The following GAPDHS variants were observed in gnomAD, a reference collection of about 807,000 sequenced individuals.
GAPDHS encodes glyceraldehyde-3-phosphate dehydrogenase, testis-specific.
In GAPDHS, 42 loss-of-function variants were observed where a neutral mutation model predicts 48.7. The observed-to-expected ratio is 0.86, with a 90% CI of 0.67 to 1.12. The LOEUF (loss-of-function observed/expected upper bound fraction) is 1.12. GAPDHS is among the 50% of genes most tolerant of loss of function. The pLI, the probability that GAPDHS is intolerant of heterozygous loss-of-function variation, is 0.00. For missense variants in GAPDHS, 512 were observed against 557.7 expected (o/e 0.92, Z 0.82); for synonymous variants, 166 against 219.1 (o/e 0.76, Z 2.14).
Position 35,542,356 on chromosome 19 carries a change from A to C in GAPDHS, c.487A>C (p.Ser163Arg). 1 of 1,613,174 alleles carries C rather than the reference A, an allele frequency of 6.2e-7. No individual in the cohort carries two copies. Among genetic ancestry groups the C allele is most frequent in the South Asian group, 1.1e-5 (1 of 91,038 alleles). The change falls in exon 5 of 11, where the codon AGC becomes CGC. Residue 163 changes from serine (S) to arginine (R), a missense_variant. Physicochemically the swap from Ser to Arg is moderately radical, Grantham distance 110. Coordinates refer to ENST00000222286, the MANE Select transcript of GAPDHS (RefSeq NM_014364.5). ...ACAGATCCCCTGGAGGGCTGTCGGG[A>C]GCCCCTACGTGGTGGAGTCCACAGG... The part of the protein sequence containing the change: ...PKQIPWRAVG[S>R]PYVVESTGVY...
rs972856437 is a variant in GAPDHS at position 35,533,570 on chromosome 19, C to T, written c.43C>T (p.Gln15Ter). ...CGTCCTCACCAATGTCACCGTTGTCCAGTTGCTGCGACAGCCGTGCCCGGG... is the reference window on the plus strand; with the variant it reads ...CGTCCTCACCAATGTCACCGTTGTCTAGTTGCTGCGACAGCCGTGCCCGGG... ...DIVLTNVTVV[Q>*]LLRQPCPVTR... The change falls in exon 1 of 11, where the codon CAG becomes TAG. Residue 15 changes from glutamine to a stop codon, truncating the protein, a stop_gained. Transcript: ENST00000222286. LOFTEE classifies it high-confidence loss of function. 5 of 1,612,922 alleles carry T rather than the reference C, an allele frequency of 3.1e-6. No individual in the cohort carries two copies. Among genetic ancestry groups the T allele is most frequent in the Non-Finnish European group, 3.4e-6 (4 of 1,179,740 alleles).
intron 2 of GAPDHS, among the ~76,000 whole-genome samples, chr19:35,537,885 G>A (rs919600142): frequency 1.3e-5 from 2 of 152,174 alleles, no homozygotes; most frequent in African/African-American, 4.8e-5. Context: ...AGACCAGCCT[G>A]GCCAACATGG....
intron 1 of GAPDHS, among the ~76,000 whole-genome samples, chr19:35,535,760 C>A (rs2071461807): frequency 2.0e-5 from 3 of 149,022 alleles, no homozygotes; most frequent in Non-Finnish European, 4.4e-5. Context: ...TAGGAAGAGC[C>A]CTCCTCAGGT....
intron 1 of GAPDHS, among the ~76,000 whole-genome samples, chr19:35,535,198 C>G (rs1287354395): frequency 6.6e-6 from 1 of 152,206 alleles, no homozygotes; most frequent in Non-Finnish European, 1.5e-5. Context: ...CCCCTCTTCT[C>G]AAGCCCTCCT....
In GAPDHS at chr19:35,536,914, C is replaced by T; in HGVS notation, c.169C>T (p.Pro57Ser). Residue 57 changes from proline (P) to serine (S), a missense_variant, in exon 2 of 11, where the codon CCA becomes TCA. Pro to Ser is a moderately conservative substitution (Grantham distance 74). Coordinates refer to ENST00000222286, the MANE Select transcript of GAPDHS (RefSeq NM_014364.5). ...VREEIKPPPPPLPPHPATPPP... is the reference protein window; with the variant it reads ...VREEIKPPPPSLPPHPATPPP... ...GGAGGAAATAAAGCCACCACCGCCA[C>T]CACTGCCTCCTCACCCCGCTACTCC... 6.2e-7 allele frequency: 1 copy of T among 1,614,158 alleles called. No homozygotes were observed.
chr19:35,545,079 C>A lies in GAPDHS; in HGVS notation c.1155-19C>A. 6.2e-7 allele frequency: 1 copy of A among 1,612,670 alleles called. No individual in the cohort carries two copies. The highest frequency in any genetic ancestry group is 1.3e-5 in the African/African-American group (1 of 75,010). ...GGTCGGAAGGAACCCCCTTGAACCTCCCGACCCCTCCTCCACAGGTACGAC... is the reference window on the plus strand; with the variant it reads ...GGTCGGAAGGAACCCCCTTGAACCTACCGACCCCTCCTCCACAGGTACGAC... On this transcript the variant is annotated intron_variant, in intron 10 of 10. Coordinates refer to ENST00000222286, the MANE Select transcript of GAPDHS (RefSeq NM_014364.5).
chr19:35,542,924 T>C, intron 6 of GAPDHS, 21 bp from the exon 7 acceptor site: 4 of 1,601,922 alleles, frequency 2.5e-6, no homozygotes, highest in South Asian at 1.1e-5. Flanking sequence ...ACAGTGTCCG[T>C]GCACACCTTG....
chr19:35,537,070 A>C (rs1235990648), intron 2 of GAPDHS, 80 bp downstream of exon 2: 4 of 1,196,416 alleles, frequency 3.3e-6, no homozygotes, highest in African/African-American at 1.5e-5. Context: ...GGGCACCTCC[A>C]CATTTCCCCC....
In GAPDHS at chr19:35,538,680, A is replaced by G; in HGVS notation, c.446A>G (p.Gln149Arg). ...VVDNHEISVYQCKEPKQIPWR... is the reference protein window; with the variant it reads ...VVDNHEISVYRCKEPKQIPWR... ...GACAACCATGAGATCTCTGTCTACC[A>G]GTGGTAAGGAAAGCATCTGTCTGAT... is the stretch of plus-strand genomic sequence containing the variant. Residue 149 changes from glutamine (Q) to arginine (R), a missense_variant, in exon 4 of 11, where the codon CAG (glutamine) becomes CGG (arginine). Transcript: ENST00000222286. 4.5e-6 allele frequency: 7 copies of G among 1,552,524 alleles called. No individual in the cohort carries two copies. Among genetic ancestry groups the G allele is most frequent in the Non-Finnish European group, 6.2e-6 (7 of 1,123,684 alleles).
chr19:35,542,468 G>A, intron 5 of GAPDHS, 22 bp from the exon 6 acceptor site: 2 of 1,605,194 alleles, frequency 1.2e-6, no homozygotes, highest in Non-Finnish European at 1.7e-6. Flanking sequence ...AGAAGCCCCT[G>A]ACACCTGCGC....
At position 35,542,477 on chromosome 19, in the gene GAPDHS, G is replaced by A. The variant is rs201344410; in HGVS notation, c.541-13G>A. 1.9e-5 allele frequency: 31 copies of A among 1,608,466 alleles called. No individual in the cohort carries two copies. Among genetic ancestry groups the A allele is most frequent in the Admixed American group, 1.0e-4 (6 of 59,986 alleles). On this transcript the variant is annotated splice_polypyrimidine_tract_variant and intron_variant, in intron 5 of 10. Transcript: ENST00000222286. ...GGTGCCAGAAGCCCCTGACACCTGC[G>A]CTTCCTCCCCAGGACCACATCTCTG... is the stretch of plus-strand genomic sequence containing the variant.
intron 2 of GAPDHS, 47 bp downstream of exon 2, chr19:35,537,037 C>G: frequency 6.8e-7 from 1 of 1,461,658 alleles, no homozygotes; most frequent in Non-Finnish European, 9.3e-7. Context: ...TAGAGCCCAG[C>G]CCCTCCTCTG....
At position 35,542,799 on chromosome 19, in the gene GAPDHS, T is replaced by C. The variant is rs2071513785; in HGVS notation, c.660-146T>C. 7 of 742,300 alleles carry C rather than the reference T, an allele frequency of 9.4e-6. No homozygotes were observed. In the East Asian group the frequency reaches 1.3e-4, roughly 13 times the overall value. 46.0% of individuals were successfully genotyped at this position (742,300 alleles called of 1,614,324 possible). ...AGCTGCACCTCAGTGCCTCCTTCAG[T>C]CTGACAGTGTCCCCACAGATCCCTC... On this transcript the variant is annotated intron_variant, in intron 6 of 10. Transcript: ENST00000222286.
intron 7 of GAPDHS, 104 bp downstream of exon 7, chr19:35,543,130 G>A (rs932189067): frequency 1.8e-5 from 19 of 1,040,676 alleles, no homozygotes; most frequent in South Asian, 8.0e-5. Flanking sequence ...GACTGGTTTC[G>A]GGAGGAGAGG....
intron 1 of GAPDHS, 109 bp downstream of exon 1, chr19:35,533,703 A>G: frequency 3.8e-6 from 3 of 786,842 alleles, no homozygotes; most frequent in South Asian, 3.4e-5. Flanking sequence ...CGTGTGCACC[A>G]TCTAGGGACC....
chr19:35,536,935 ACTC>A lies in GAPDHS; in HGVS notation c.199_201del (p.Pro67del), dbSNP rs1359094558. The A allele has an allele frequency of 3.7e-6, 6 of 1,613,346 alleles. No individual in the cohort carries two copies. The highest frequency in any genetic ancestry group is 1.1e-5 in the South Asian group (1 of 91,030). Reference sequence around the variant, plus strand: ...GCCACCACTGCCTCCTCACCCCGCTACTCCTCCTCCTAAGATGGTGTCTGTGGC... The same window carrying A: ...GCCACCACTGCCTCCTCACCCCGCTACTCCTCCTAAGATGGTGTCTGTGGC... On this transcript the variant is annotated inframe_deletion, in exon 2 of 11. Coordinates refer to ENST00000222286, the MANE Select transcript of GAPDHS (RefSeq NM_014364.5).
chr19:35,543,465 G>A lies in GAPDHS; in HGVS notation c.867G>A (p.Val289=), dbSNP rs2071520362. 6.2e-7 allele frequency: 1 copy of A among 1,605,410 alleles called. No individual in the cohort carries two copies. The highest frequency in any genetic ancestry group is 8.5e-7 in the Non-Finnish European group (1 of 1,177,634). ...CCTCCACTGGGGCTGCGAAAGCTGT[G>A]ACCAAAGTCATCCCAGAGCTCAAAG... The part of the protein sequence containing the change: ...IPASTGAAKA[V]TKVIPELKGK... Residue 289 remains valine (V), a synonymous_variant, in exon 8 of 11, where the codon GTG becomes GTA. Transcript: ENST00000222286.
Position 35,545,083 on chromosome 19 carries a change from A to G in GAPDHS, c.1155-15A>G. On this transcript the variant is annotated splice_polypyrimidine_tract_variant and intron_variant, in intron 10 of 10. Transcript: ENST00000222286. ...GGAAGGAACCCCCTTGAACCTCCCG[A>G]CCCCTCCTCCACAGGTACGACAACG... The G allele has an allele frequency of 6.2e-7, 1 of 1,608,538 alleles. No homozygotes were observed. The highest frequency in any genetic ancestry group is 1.4e-5 in the African/African-American group (1 of 73,338).
chr19:35,543,232 G>T, intron 7 of GAPDHS, 108 bp from the exon 8 acceptor site: 1 of 1,312,456 alleles, frequency 7.6e-7, no homozygotes, highest in South Asian at 1.2e-5. Flanking sequence ...GGTCTGTGGT[G>T]GTGGCCCCAC....
Sources: gnomAD v4.1 joint callset for allele counts (sites outside exome capture counted in the v4.1 genomes callset) on GRCh38, gnomAD v4.1.1 for gene constraint, MANE v1.5 for transcripts, NCBI Gene and HGNC (gene_info 2026-07-23, HGNC 2026-07-21) for gene names.